The following DGKB variants were observed in gnomAD, a reference collection of about 807,000 sequenced individuals.
DGKB encodes the protein diacylglycerol kinase beta, also known as 90 kDa diacylglycerol kinase.
A neutral mutation model predicts 114.3 loss-of-function variants in DGKB; 67 were observed. The observed-to-expected ratio is 0.59, with a 90% confidence interval of 0.48 to 0.72. DGKB has a LOEUF of 0.72. Ranked by LOEUF, DGKB falls within the 30% of genes least tolerant of loss-of-function variation. The pLI, the probability that DGKB is intolerant of heterozygous loss-of-function variation, is 0.00. For missense variants in DGKB, 907 were observed against 975.2 expected (o/e 0.93, Z 0.93); for synonymous variants, 398 against 323.1 (o/e 1.23, Z -2.49).
chr7:14,193,934 T>C (rs1259110988), intron 23 of DGKB, among the ~76,000 whole-genome samples: 5 of 152,054 alleles, frequency 3.3e-5, no homozygotes, highest in Non-Finnish European at 7.4e-5. Flanking sequence ...GGCCATTAGT[T>C]ATATGAAAAA....
intron 23 of DGKB, among the ~76,000 whole-genome samples, chr7:14,219,466 G>C (rs1789561424): frequency 6.6e-6 from 1 of 151,724 alleles, no homozygotes; most frequent in Non-Finnish European, 1.5e-5. Context: ...TAATGGGTGG[G>C]CAGTGGTATT....
rs547368193 is a variant in DGKB, at chr7:14,618,619, C to T, written c.1284+2759G>A. Among the ~76,000 whole-genome samples the T allele has an allele frequency of 3.6e-4, 54 of 151,560 alleles. No individual in the cohort carries two copies. The East Asian group carries it at 4.1e-3, about 11-fold the overall frequency. ...ATTAAGTGTAAACCTATGGTGTGAG[C>T]GATGACAAAGACAGAGTGCCTAACC... On this transcript the variant is annotated intron_variant, in intron 15 of 25. Coordinates refer to ENST00000402815, the MANE Select transcript of DGKB (RefSeq NM_001350709.2).
chr7:14,973,373 G>C (rs897049180), intron 1 of DGKB, among the ~76,000 whole-genome samples: 12 of 151,588 alleles, frequency 7.9e-5, no homozygotes, highest in African/African-American at 2.7e-4. Context: ...ATACTGTTTA[G>C]TTAAAATTAA....
intron 9 of DGKB, among the ~76,000 whole-genome samples, chr7:14,686,409 A>C (rs1821689368): frequency 6.6e-6 from 1 of 152,164 alleles, no homozygotes. Flanking sequence ...TAATCATCAA[A>C]TTATATCAAA....
At chr7:14,934,132 G>C in intron 1 of DGKB, among the ~76,000 whole-genome samples, 1 of 151,978 alleles carries the variant, frequency 6.6e-6, no homozygotes. Flanking sequence ...GTCAGCTCTG[G>C]GTTCAATAAA....
intron 21 of DGKB, among the ~76,000 whole-genome samples, chr7:14,443,329 C>G (rs1373113137): frequency 1.3e-5 from 2 of 152,028 alleles, no homozygotes; most frequent in Non-Finnish European, 2.9e-5. Context: ...ATTTATTCAG[C>G]CAATTTATTT....
intron 1 of DGKB, among the ~76,000 whole-genome samples, chr7:14,919,470 G>A (rs1468145703): frequency 2.0e-5 from 3 of 152,118 alleles, no homozygotes; most frequent in Non-Finnish European, 4.4e-5. Context: ...GACCTTACAT[G>A]TTTCACAAAA....
chr7:14,176,863 CT>C lies in DGKB; in HGVS notation c.2279del (p.Glu760GlyfsTer10). 1 of 1,613,736 alleles carries C rather than the reference CT, an allele frequency of 6.2e-7. No individual in the cohort carries two copies. Among genetic ancestry groups the C allele is most frequent in the Non-Finnish European group, 8.5e-7 (1 of 1,179,686 alleles). On this transcript the variant is annotated frameshift_variant, in exon 25 of 26. Coordinates refer to ENST00000402815, the MANE Select transcript of DGKB (RefSeq NM_001350709.2). LOFTEE classifies it high-confidence loss of function. ...CTGTGCATGGGGTCTGCATCCATGGCTCCCCATCAATTTGCATTGGCAGAGA... is the reference window on the plus strand; with the variant it reads ...CTGTGCATGGGGTCTGCATCCATGGCCCCCATCAATTTGCATTGGCAGAGA... The part of the protein sequence containing the change: ...SKSLPMQIDG[E>X]PWMQTPCTIK...
At chr7:14,681,467 G>A (rs1820824717) in intron 12 of DGKB, among the ~76,000 whole-genome samples, 2 of 150,618 alleles carry the variant, frequency 1.3e-5, no homozygotes, top group Admixed American at 6.6e-5. Flanking sequence ...GAGAGAGAGA[G>A]AAAAAGAGAG....
In DGKB at chr7:14,934,734, G is replaced by T. The variant is rs147615969; in HGVS notation, c.-188+39962C>A. 7.6e-3 allele frequency among the ~76,000 whole-genome samples: 1,152 copies of T among 152,222 alleles called. 11 individuals carry two copies. Among genetic ancestry groups the T allele is most frequent in the African/African-American group, 0.026 (1,099 of 41,552 alleles). ...AAGGGTATATTTAAGAATTAATACT[G>T]AAGCAGGTGAGAAACAAAGTCAAAT... On this transcript the variant is annotated intron_variant, in intron 1 of 4. Coordinates refer to the DGKB transcript ENST00000437998.
chr7:14,725,532 T>A (rs997433714), intron 5 of DGKB, among the ~76,000 whole-genome samples: 1 of 151,948 alleles, frequency 6.6e-6, no homozygotes, highest in Non-Finnish European at 1.5e-5. Flanking sequence ...ATGTATAATA[T>A]CTTTAAAACA....
rs181880068 is a variant in DGKB at position 14,287,712 on chromosome 7, G to C, written c.2122+50803C>G. ...GTTCTTAAACTAGGTGAGGAGTCAT[G>C]AAGATGGAAAATAGAAAAGTATCTC... On this transcript the variant is annotated intron_variant, in intron 23 of 25. Transcript: ENST00000402815. 1.8e-3 allele frequency among the ~76,000 whole-genome samples: 270 copies of C among 152,298 alleles called. 9 individuals are homozygous for C. The highest frequency in any genetic ancestry group is 0.015 in the Admixed American group (222 of 15,286).
chr7:14,794,376 A>T (rs1841109755), intron 2 of DGKB, among the ~76,000 whole-genome samples: 1 of 152,142 alleles, frequency 6.6e-6, no homozygotes, highest in African/African-American at 2.4e-5. Context: ...TCTGCATTGG[A>T]TACTCCTAAT....
chr7:14,789,794 G>C (rs147053765), intron 2 of DGKB, among the ~76,000 whole-genome samples: 7 of 152,234 alleles, frequency 4.6e-5, no homozygotes, highest in Admixed American at 6.5e-5. Flanking sequence ...TCCTCCCAGA[G>C]TGCATTTGCC....
At chr7:14,925,022 A>G (rs1335516105) in intron 1 of DGKB, among the ~76,000 whole-genome samples, 2 of 152,166 alleles carry the variant, frequency 1.3e-5, no homozygotes, top group African/African-American at 4.8e-5. Flanking sequence ...AGAATCATAC[A>G]ATAGGTAACT....
chr7:14,972,757 G>T (rs1350878535), intron 1 of DGKB, among the ~76,000 whole-genome samples: 1 of 151,646 alleles, frequency 6.6e-6, no homozygotes, highest in Non-Finnish European at 1.5e-5. Flanking sequence ...AAGTTTGTTT[G>T]CCTCTTTCAA....
intron 13 of DGKB, among the ~76,000 whole-genome samples, chr7:14,658,022 A>T (rs1454074225): frequency 6.6e-6 from 1 of 151,960 alleles, no homozygotes. Context: ...GATTTAACAT[A>T]CTCTATGCTA....
At chr7:14,352,357 T>G (rs1813621952) in intron 21 of DGKB, among the ~76,000 whole-genome samples, 1 of 152,192 alleles carries the variant, frequency 6.6e-6, no homozygotes, top group African/African-American at 2.4e-5. Context: ...TTTAAGTATT[T>G]TGATGTATAA....
chr7:14,442,244 A>G (rs376804311), intron 21 of DGKB, among the ~76,000 whole-genome samples: 3 of 152,006 alleles, frequency 2.0e-5, no homozygotes, highest in African/African-American at 7.2e-5. Context: ...TTCTTTTGTT[A>G]TCAGTTTTGT....
Sources: allele counts gnomAD v4.1 joint callset (sites outside exome capture counted in the v4.1 genomes callset), GRCh38; gene constraint gnomAD v4.1.1; transcripts MANE v1.5; gene names NCBI Gene and HGNC (gene_info 2026-07-23, HGNC 2026-07-21).